TUSC3: variants seen among roughly 807,000 people sequenced by gnomAD.
TUSC3 encodes dolichyl-diphosphooligosaccharide--protein glycosyltransferase subunit TUSC3.
A neutral mutation model predicts 44.8 loss-of-function variants in TUSC3; 45 were observed. The observed-to-expected ratio is 1.00, with a 90% CI of 0.79 to 1.29. The LOEUF (loss-of-function observed/expected upper bound fraction) is 1.29. TUSC3 is among the 50% of genes most tolerant of loss of function. The pLI, the probability that TUSC3 is intolerant of heterozygous loss-of-function variation, is 0.00. For synonymous variants in TUSC3, 212 were observed against 152.9 expected, an observed-to-expected ratio of 1.39 and a Z score of -2.85; for missense variants, 519 against 437.9, an observed-to-expected ratio of 1.19 and a Z score of -1.65.
chr8:15,799,479 G>T, the TUSC3 span, among the ~76,000 whole-genome samples: 1 of 152,206 alleles, frequency 6.6e-6, no homozygotes, highest in African/African-American at 2.4e-5. Context: ...GCCTGGAGGA[G>T]TTGACAACAA....
chr8:15,583,164 G>C (rs1348489004), intron 1 of TUSC3, among the ~76,000 whole-genome samples: 1 of 152,020 alleles, frequency 6.6e-6, no homozygotes, highest in Non-Finnish European at 1.5e-5. Context: ...ATGCAAACAG[G>C]GTGAGATTTT....
At chr8:15,443,265 C>G (rs912706158) in intron 1 of TUSC3, among the ~76,000 whole-genome samples, 1 of 151,578 alleles carries the variant, frequency 6.6e-6, no homozygotes, top group Non-Finnish European at 1.5e-5. Flanking sequence ...TCTCGAGCTC[C>G]TGGACTGATC....
chr8:15,670,054 A>G (rs1807874282), intron 5 of TUSC3, among the ~76,000 whole-genome samples: 1 of 151,904 alleles, frequency 6.6e-6, no homozygotes, highest in South Asian at 2.1e-4. Flanking sequence ...TTTTGAATCA[A>G]TCTAATAAAA....
intron 2 of TUSC3, among the ~76,000 whole-genome samples, chr8:15,520,038 A>G (rs920939311): frequency 6.6e-6 from 1 of 152,192 alleles, no homozygotes; most frequent in Non-Finnish European, 1.5e-5. Flanking sequence ...TGGAGCCCCC[A>G]GTGTGTACCT....
In TUSC3 at chr8:15,650,681, C is replaced by T. The variant is rs748621047; in HGVS notation, c.309-16C>T. Reference sequence around the variant, plus strand: ...AGTACTGATGTGTTTCTACTATGGCCCATTATTCTTATCAGGCAAGCTAAT... The same window carrying T: ...AGTACTGATGTGTTTCTACTATGGCTCATTATTCTTATCAGGCAAGCTAAT... On this transcript the variant is annotated splice_polypyrimidine_tract_variant and intron_variant, in intron 2 of 10. Coordinates refer to ENST00000503731, the MANE Select transcript of TUSC3 (RefSeq NM_006765.4). 5 of 1,607,036 alleles carry T rather than the reference C, an allele frequency of 3.1e-6. No homozygotes were observed. The highest frequency in any genetic ancestry group is 4.3e-6 in the Non-Finnish European group (5 of 1,173,870).
chr8:15,664,512 A>T (rs1271474929), intron 5 of TUSC3, among the ~76,000 whole-genome samples: 1 of 148,798 alleles, frequency 6.7e-6, no homozygotes, highest in Non-Finnish European at 1.5e-5. Context: ...TTGGAAAGCG[A>T]ATTAACTTGG....
chr8:15,751,921 G>C (rs1411454698), intron 9 of TUSC3, among the ~76,000 whole-genome samples: 3 of 152,262 alleles, frequency 2.0e-5, no homozygotes, highest in African/African-American at 7.2e-5. Context: ...TTATGAGCCT[G>C]TCTTAGGGAA....
chr8:15,779,100 T>G, the TUSC3 span, among the ~76,000 whole-genome samples: 1 of 60,164 alleles, frequency 1.7e-5, no homozygotes, highest in Non-Finnish European at 3.2e-5. Flanking sequence ...AATGTTTTCT[T>G]TTTTTTTTTT....
chr8:15,715,038 C>T (rs563151204), intron 6 of TUSC3, among the ~76,000 whole-genome samples: 23 of 152,232 alleles, frequency 1.5e-4, no homozygotes, highest in African/African-American at 5.3e-4. Context: ...CTTGATTAAA[C>T]AAGTTACTTA....
At chr8:15,537,581 C>T (rs918361645), upstream of TUSC3, among the ~76,000 whole-genome samples, 1 of 152,156 alleles carries the variant, frequency 6.6e-6, no homozygotes, top group Non-Finnish European at 1.5e-5. Context: ...ATAATGACAT[C>T]TCATGTGTTT....
At chr8:15,681,407 G>A (rs565340799) in intron 6 of TUSC3, among the ~76,000 whole-genome samples, 2 of 152,022 alleles carry the variant, frequency 1.3e-5, no homozygotes, top group South Asian at 4.1e-4. Flanking sequence ...TTGGAAGAGT[G>A]TATGTTTCCA....
At chr8:15,575,369 A>T (rs1803057161) in intron 1 of TUSC3, among the ~76,000 whole-genome samples, 1 of 152,164 alleles carries the variant, frequency 6.6e-6, no homozygotes, top group Admixed American at 6.5e-5. Context: ...AGTCAAATGG[A>T]ATTTTTATGT....
intron 1 of TUSC3, among the ~76,000 whole-genome samples, chr8:15,423,075 G>T (rs1445007460): frequency 1.3e-5 from 2 of 152,148 alleles, no homozygotes; most frequent in African/African-American, 4.8e-5. Flanking sequence ...AAAACATGAG[G>T]TGGAAATGTT....
At chr8:15,641,994 C>G (rs1353915236) in intron 2 of TUSC3, among the ~76,000 whole-genome samples, 1 of 152,134 alleles carries the variant, frequency 6.6e-6, no homozygotes, top group Non-Finnish European at 1.5e-5. Flanking sequence ...CCAAATTGTA[C>G]CCATTATATA....
the TUSC3 span, among the ~76,000 whole-genome samples, chr8:15,824,628 C>T: frequency 3.3e-5 from 5 of 151,798 alleles, no homozygotes; most frequent in East Asian, 1.9e-4. Flanking sequence ...GGAAGGGGGA[C>T]GGATAGCATT....
intron 1 of TUSC3, among the ~76,000 whole-genome samples, chr8:15,613,966 T>G (rs1314231338): frequency 6.6e-6 from 1 of 151,738 alleles, no homozygotes; most frequent in Non-Finnish European, 1.5e-5. Context: ...CTGTGTTATC[T>G]CCCATGTGTA....
intron 7 of TUSC3, among the ~76,000 whole-genome samples, chr8:15,735,963 C>T (rs922234752): frequency 1.8e-4 from 28 of 151,724 alleles, no homozygotes; most frequent in Admixed American, 6.6e-5. Flanking sequence ...CTCCTGACCT[C>T]GTGATCCGCC....
At chr8:15,618,281 C>CT (rs1389586416) in intron 1 of TUSC3, among the ~76,000 whole-genome samples, 5 of 152,206 alleles carry the variant, frequency 3.3e-5, no homozygotes, top group Non-Finnish European at 7.4e-5. Flanking sequence ...CCTACTAGAA[C>CT]TTTTTTTAAA....
chr8:15,437,247 T>A (rs181176662), intron 1 of TUSC3, among the ~76,000 whole-genome samples: 1 of 152,278 alleles, frequency 6.6e-6, no homozygotes, highest in Non-Finnish European at 1.5e-5. Flanking sequence ...GGCAAAACTT[T>A]TCCAGCAATT....
Sources: gnomAD v4.1 joint callset for allele counts (sites outside exome capture counted in the v4.1 genomes callset) on GRCh38, gnomAD v4.1.1 for gene constraint, MANE v1.5 for transcripts, NCBI Gene and HGNC (gene_info 2026-07-23, HGNC 2026-07-21) for gene names.